The following TCF7L2 variants were observed in gnomAD, a reference collection of about 807,000 sequenced individuals.
TCF7L2 encodes the protein transcription factor 7-like 2.
A neutral mutation model predicts 77.9 loss-of-function variants in TCF7L2; 23 were observed. That is an observed-to-expected ratio of 0.30 (90% CI 0.21 to 0.42). The LOEUF is 0.42. Ranked by LOEUF, TCF7L2 falls within the 10% of genes least tolerant of loss-of-function variation. TCF7L2 has a pLI of 1.00. For missense variants in TCF7L2, 654 were observed against 793.1 expected (o/e 0.82, Z 2.11); for synonymous variants, 413 against 340.2 (o/e 1.21, Z -2.36).
chr10:113,027,036 T>C (rs1444525310), intron 4 of TCF7L2, among the ~76,000 whole-genome samples: 2 of 152,164 alleles, frequency 1.3e-5, no homozygotes, highest in African/African-American at 4.8e-5. Context: ...AGTGGCTGGG[T>C]CCAGAGAAGG....
intron 4 of TCF7L2, among the ~76,000 whole-genome samples, chr10:112,975,088 G>A (rs2039141313): frequency 6.6e-6 from 1 of 151,918 alleles, no homozygotes; most frequent in Non-Finnish European, 1.5e-5. Context: ...TGGTTGGATG[G>A]TAGTGTGTTT....
intron 4 of TCF7L2, 21 bp from the exon 5 acceptor site, chr10:113,040,004 A>G (rs200203965): frequency 1.2e-6 from 2 of 1,604,796 alleles, no homozygotes; most frequent in East Asian, 4.5e-5. Flanking sequence ...TTTTCATTTC[A>G]CTTTTGTTTC....
At chr10:113,156,462 A>G (rs1050265274) in intron 11 of TCF7L2, among the ~76,000 whole-genome samples, 1 of 152,214 alleles carries the variant, frequency 6.6e-6, no homozygotes, top group Non-Finnish European at 1.5e-5. Flanking sequence ...CCGAGTTGAC[A>G]TCAACATACT....
At chr10:113,106,848 T>G (rs2062387592) in intron 5 of TCF7L2, among the ~76,000 whole-genome samples, 1 of 152,186 alleles carries the variant, frequency 6.6e-6, no homozygotes, top group Non-Finnish European at 1.5e-5. Context: ...AGCTCAAACA[T>G]AGAAATGTAT....
At chr10:113,075,992 CA>C (rs1423623700) in intron 5 of TCF7L2, among the ~76,000 whole-genome samples, 3 of 151,942 alleles carry the variant, frequency 2.0e-5, no homozygotes, top group African/African-American at 7.3e-5. Context: ...AAAAATTAGC[CA>C]GGCGTGGTGG....
intron 13 of TCF7L2, among the ~76,000 whole-genome samples, chr10:113,163,844 C>G (rs985655403): frequency 2.0e-5 from 3 of 152,138 alleles, no homozygotes; most frequent in Non-Finnish European, 4.4e-5. Context: ...CCTTCCCTGC[C>G]TTCCTGCCAT....
chr10:113,154,190 AATGC>A (rs1432766725), intron 11 of TCF7L2, among the ~76,000 whole-genome samples: 1 of 152,106 alleles, frequency 6.6e-6, no homozygotes, highest in African/African-American at 2.4e-5. Flanking sequence ...TGAGAAAGTG[AATGC>A]TCTCCCACAG....
chr10:113,068,921 A>T (rs542498548), intron 5 of TCF7L2, among the ~76,000 whole-genome samples: 5 of 148,278 alleles, frequency 3.4e-5, no homozygotes, highest in Non-Finnish European at 6.0e-5. Flanking sequence ...TTAATTTCCC[A>T]ATTAAAACAA....
At chr10:113,034,852 C>T (rs116389394) in intron 4 of TCF7L2, among the ~76,000 whole-genome samples, 2,973 of 152,284 alleles carry the variant, frequency 0.02, 106 homozygotes, top group African/African-American at 0.067. Context: ...GTCGAGCTTG[C>T]GTCACTGCAC....
chr10:113,001,270 C>G (rs949864766), intron 4 of TCF7L2, among the ~76,000 whole-genome samples: 9 of 152,288 alleles, frequency 5.9e-5, no homozygotes, highest in African/African-American at 1.9e-4. Flanking sequence ...CTGTAGTGGT[C>G]CAACAAAGAG....
intron 3 of TCF7L2, among the ~76,000 whole-genome samples, chr10:112,964,349 AAAAC>A (rs2036005057): frequency 6.6e-6 from 1 of 151,234 alleles, no homozygotes; most frequent in South Asian, 2.1e-4. Flanking sequence ...TTAAAAAACA[AAAAC>A]AAAAACAAAA....
At chr10:113,145,180 G>A (rs185351129) in intron 7 of TCF7L2, among the ~76,000 whole-genome samples, 96 of 151,844 alleles carry the variant, frequency 6.3e-4, no homozygotes, top group African/African-American at 2.2e-3. Flanking sequence ...CCAACCCTGG[G>A]TATAGTTTCT....
rs576976321 is a variant in TCF7L2 at position 113,087,643 on chromosome 10, G to T, written c.552+47517G>T. Among the ~76,000 whole-genome samples, 6 of 152,238 alleles carry T rather than the reference G, an allele frequency of 3.9e-5. No homozygotes were observed. The East Asian group carries it at 9.6e-4, about 24-fold the overall frequency. The stretch of plus-strand genomic sequence containing the variant: ...AGACGGAGACCTTAGACCTCCAGGG[G>T]TGGAGAACGGAGTACTTCCTCTGGT... On this transcript the variant is annotated intron_variant, in intron 5 of 13. Transcript: ENST00000627217.
intron 5 of TCF7L2, among the ~76,000 whole-genome samples, chr10:113,069,902 G>A (rs190242314): frequency 7.8e-4 from 119 of 152,228 alleles, no homozygotes; most frequent in African/African-American, 2.7e-3. Flanking sequence ...GGCTCCCACT[G>A]GATCACATGG....
At chr10:113,140,741 G>A (rs2068215094) in intron 5 of TCF7L2, among the ~76,000 whole-genome samples, 1 of 152,140 alleles carries the variant, frequency 6.6e-6, no homozygotes, top group Non-Finnish European at 1.5e-5. Flanking sequence ...GGCCCTGCCA[G>A]TTTCTTGTAA....
At chr10:112,975,043 G>C (rs1017037790) in intron 4 of TCF7L2, among the ~76,000 whole-genome samples, 4 of 151,572 alleles carry the variant, frequency 2.6e-5, no homozygotes, top group Non-Finnish European at 4.4e-5. Flanking sequence ...AACAGAAATG[G>C]CATTACCTGT....
intron 13 of TCF7L2, chr10:113,161,241 T>C (rs902356450): frequency 1.1e-5 from 4 of 355,736 alleles, no homozygotes; most frequent in Non-Finnish European, 2.0e-5. Flanking sequence ...TTTACAGTGC[T>C]GAAAAAGAAG....
At chr10:113,092,654 G>A (rs1366544337) in intron 5 of TCF7L2, among the ~76,000 whole-genome samples, 1 of 152,198 alleles carries the variant, frequency 6.6e-6, no homozygotes, top group African/African-American at 2.4e-5. Flanking sequence ...GCCGAGGTGG[G>A]CAGATCACGA....
intron 11 of TCF7L2, 128 bp from the exon 12 acceptor site, chr10:113,157,893 C>T (rs980813953): frequency 1.2e-5 from 12 of 960,318 alleles, no homozygotes; most frequent in East Asian, 5.4e-5. Context: ...GGACAAATAC[C>T]GGGGGTTTGT....
Sources: allele counts gnomAD v4.1 joint callset (sites outside exome capture counted in the v4.1 genomes callset), GRCh38; gene constraint gnomAD v4.1.1; transcripts MANE v1.5; gene names NCBI Gene and HGNC (gene_info 2026-07-23, HGNC 2026-07-21).